Variants in DLGAP2 observed in about 807,000 individuals in gnomAD.
The protein encoded by DLGAP2 is disks large-associated protein 2.
In DLGAP2, 26 loss-of-function variants were observed where a neutral mutation model predicts 100.3. The ratio of observed to expected loss-of-function variants is 0.26; its 90% confidence interval spans 0.19 to 0.36. DLGAP2 has a LOEUF of 0.36. Among genes scored for constraint, DLGAP2 ranks in the 10% least tolerant of loss-of-function variants. The pLI, the probability that DLGAP2 is intolerant of heterozygous loss-of-function variation, is 1.00. For missense variants in DLGAP2, 1,858 were observed against 1,453.2 expected (o/e 1.28, Z -4.53); for synonymous variants, 886 against 630.1 (o/e 1.41, Z -6.08).
chr8:818,706 G>T (rs1360240168), intron 1 of DLGAP2, among the ~76,000 whole-genome samples: 1 of 152,146 alleles, frequency 6.6e-6, no homozygotes. Context: ...GCTGAGAATA[G>T]GAAACTTGTG....
intron 3 of DLGAP2, among the ~76,000 whole-genome samples, chr8:1,439,375 A>C (rs1387374202): frequency 6.6e-6 from 1 of 152,194 alleles, no homozygotes; most frequent in Non-Finnish European, 1.5e-5. Flanking sequence ...AGTCATTGCC[A>C]CGGTCCTGCC....
At chr8:894,191 C>G (rs995816426) in intron 1 of DLGAP2, among the ~76,000 whole-genome samples, 2 of 152,190 alleles carry the variant, frequency 1.3e-5, no homozygotes, top group African/African-American at 4.8e-5. Context: ...GAGACGCCCC[C>G]AGAGCAGCCT....
At chr8:1,580,377 G>A (rs1019136668) in intron 6 of DLGAP2, among the ~76,000 whole-genome samples, 17 of 152,270 alleles carry the variant, frequency 1.1e-4, no homozygotes, top group African/African-American at 3.9e-4. Context: ...TCGACATAAC[G>A]AAGAAATCAG....
At chr8:1,392,578 C>G (rs950550451) in intron 3 of DLGAP2, among the ~76,000 whole-genome samples, 1 of 152,198 alleles carries the variant, frequency 6.6e-6, no homozygotes. Flanking sequence ...AAAATAGACT[C>G]TGCTTGTTAT....
At chr8:1,148,965 A>G (rs978883097) in intron 2 of DLGAP2, among the ~76,000 whole-genome samples, 7 of 152,122 alleles carry the variant, frequency 4.6e-5, no homozygotes, top group African/African-American at 7.2e-5. Context: ...GATGTTTTAA[A>G]TCTTATATTT....
intron 3 of DLGAP2, among the ~76,000 whole-genome samples, chr8:1,419,039 T>G (rs1368992516): frequency 1.3e-5 from 2 of 152,266 alleles, no homozygotes; most frequent in Non-Finnish European, 2.9e-5. Flanking sequence ...CAGGGCCATG[T>G]GGACTCTCCG....
intron 12 of DLGAP2, 197 bp downstream of exon 12, chr8:1,678,826 T>C (rs780352752): frequency 7.7e-5 from 44 of 573,160 alleles, no homozygotes; most frequent in Admixed American, 2.9e-4. Context: ...CACTACGATA[T>C]CGAAGGAAAA....
At chr8:961,990 C>G (rs74338786) in intron 2 of DLGAP2, among the ~76,000 whole-genome samples, 1 of 152,142 alleles carries the variant, frequency 6.6e-6, no homozygotes, top group East Asian at 1.9e-4. Flanking sequence ...TGTGGCCATC[C>G]ACACAGAGAT....
chr8:1,023,136 A>G (rs1312918369), intron 2 of DLGAP2, among the ~76,000 whole-genome samples: 2 of 152,170 alleles, frequency 1.3e-5, no homozygotes, highest in African/African-American at 2.4e-5. Flanking sequence ...CGATTTTCAA[A>G]TTTTCAAAGG....
intron 1 of DLGAP2, among the ~76,000 whole-genome samples, chr8:813,654 C>G (rs1261232174): frequency 6.6e-6 from 1 of 152,142 alleles, no homozygotes; most frequent in Non-Finnish European, 1.5e-5. Flanking sequence ...GCTGGCTGAA[C>G]CCTCCTCCAG....
At chr8:1,557,857 C>T (rs1332694797) in intron 5 of DLGAP2, among the ~76,000 whole-genome samples, 1 of 152,234 alleles carries the variant, frequency 6.6e-6, no homozygotes, top group Non-Finnish European at 1.5e-5. Flanking sequence ...ATTTTACCTT[C>T]TTCACCTCTG....
intron 3 of DLGAP2, among the ~76,000 whole-genome samples, chr8:1,330,560 ACAGGGAC>A (rs1267932491): frequency 3.2e-5 from 4 of 125,478 alleles, no homozygotes; most frequent in African/African-American, 9.3e-5. Context: ...GCACCGCTTC[ACAGGGAC>A]TGAGTTCTGT....
intron 2 of DLGAP2, among the ~76,000 whole-genome samples, chr8:1,228,032 A>G (rs921379734): frequency 1.3e-5 from 2 of 152,112 alleles, no homozygotes; most frequent in Non-Finnish European, 2.9e-5. Context: ...TATACACAAT[A>G]ACACTTGGAC....
intron 2 of DLGAP2, among the ~76,000 whole-genome samples, chr8:1,172,506 C>G (rs1371307803): frequency 2.0e-5 from 3 of 152,232 alleles, no homozygotes; most frequent in Admixed American, 6.5e-5. Context: ...TTCTCCCTGT[C>G]ACTTTCAGGT....
chr8:864,857 T>G (rs1312483601), intron 1 of DLGAP2, among the ~76,000 whole-genome samples: 1 of 152,202 alleles, frequency 6.6e-6, no homozygotes, highest in Non-Finnish European at 1.5e-5. Flanking sequence ...TATTGGTCAG[T>G]GTTCTCGTCA....
At position 1,168,245 on chromosome 8, in the gene DLGAP2, T is replaced by C. The variant is rs1009562336; in HGVS notation, c.74-90606T>C. On this transcript the variant is annotated intron_variant, in intron 2 of 14. Transcript: ENST00000637795. Reference sequence around the variant, plus strand: ...TTTATGGTTGCATAGTATTCCATGGTGTATAGGTGCCACATTTTCTTAATC... The same window carrying C: ...TTTATGGTTGCATAGTATTCCATGGCGTATAGGTGCCACATTTTCTTAATC... Among the ~76,000 whole-genome samples, 8 of 151,994 alleles carry C rather than the reference T, an allele frequency of 5.3e-5. No individual in the cohort carries two copies. In the South Asian group the frequency reaches 6.3e-4, roughly 12 times the overall value.
intron 1 of DLGAP2, among the ~76,000 whole-genome samples, chr8:858,785 A>G (rs1323355424): frequency 2.0e-5 from 3 of 152,110 alleles, no homozygotes; most frequent in Admixed American, 6.5e-5. Flanking sequence ...CACCGTGGGC[A>G]TATATGAGAT....
intron 1 of DLGAP2, among the ~76,000 whole-genome samples, chr8:756,306 TG>T (rs1820920004): frequency 6.6e-6 from 1 of 151,980 alleles, no homozygotes; most frequent in African/African-American, 2.4e-5. Flanking sequence ...AGGGAGCAGG[TG>T]TGGGCAGGTT....
At chr8:852,893 A>T (rs1032998493) in intron 1 of DLGAP2, among the ~76,000 whole-genome samples, 6 of 150,920 alleles carry the variant, frequency 4.0e-5, no homozygotes, top group African/African-American at 1.5e-4. Flanking sequence ...CCCCTGGCCG[A>T]TTCCGTTATT....
Sources: allele counts gnomAD v4.1 joint callset (sites outside exome capture counted in the v4.1 genomes callset), GRCh38; gene constraint gnomAD v4.1.1; transcripts MANE v1.5; gene names NCBI Gene and HGNC (gene_info 2026-07-23, HGNC 2026-07-21).